Variants in PIGU observed in about 807,000 individuals in gnomAD.
PIGU encodes the protein GPI-anchor transamidase component PIGU.
PIGU carries 24 observed loss-of-function variants against 49.9 expected under a neutral mutation model. The ratio of observed to expected loss-of-function variants is 0.48; its 90% CI spans 0.35 to 0.68. The LOEUF (loss-of-function observed/expected upper bound fraction) is 0.68. Ranked by LOEUF, PIGU falls within the 30% of genes least tolerant of loss-of-function variation. PIGU has a pLI of 0.01. For synonymous variants in PIGU, 220 were observed against 205.7 expected, an observed-to-expected ratio of 1.07 and a Z score of -0.59; for missense variants, 490 against 532.6, an observed-to-expected ratio of 0.92 and a Z score of 0.79.
At chr20:34,661,428 T>C (rs899292516) in intron 1 of PIGU, among the ~76,000 whole-genome samples, 2 of 152,154 alleles carry the variant, frequency 1.3e-5, no homozygotes, top group Non-Finnish European at 2.9e-5. Flanking sequence ...GTGTACTCAG[T>C]GTTTAGCTTC....
chr20:34,604,318 T>C (rs1984536783), intron 7 of PIGU, among the ~76,000 whole-genome samples: 1 of 152,230 alleles, frequency 6.6e-6, no homozygotes, highest in Non-Finnish European at 1.5e-5. Context: ...AAAAGCATTT[T>C]CTGTACAGAA....
chr20:34,633,509 T>G (rs951048127), intron 6 of PIGU, among the ~76,000 whole-genome samples: 7 of 150,102 alleles, frequency 4.7e-5, no homozygotes, highest in Admixed American at 4.7e-4. Context: ...GAAACCATGG[T>G]GTAACTACTA....
At chr20:34,659,047 C>T (rs1277714974) in intron 1 of PIGU, among the ~76,000 whole-genome samples, 3 of 144,712 alleles carry the variant, frequency 2.1e-5, no homozygotes, top group Non-Finnish European at 4.6e-5. Context: ...CCCCTCTGCC[C>T]GGCCAGCTGC....
intron 7 of PIGU, among the ~76,000 whole-genome samples, chr20:34,592,449 AAAGAG>A (rs1038285351): frequency 2.7e-4 from 41 of 151,774 alleles, no homozygotes; most frequent in Non-Finnish European, 5.7e-4. Flanking sequence ...AAAAAAAAAA[AAAGAG>A]AGACGAACAA....
At position 34,563,165 on chromosome 20, in the gene PIGU, G is replaced by C. The variant is rs1982598167; in HGVS notation, c.1195-2186C>G. Among the ~76,000 whole-genome samples, 6 of 152,318 alleles carry C rather than the reference G, an allele frequency of 3.9e-5. No homozygotes were observed. In the South Asian group the frequency reaches 1.2e-3, roughly 32 times the overall value. On this transcript the variant is annotated intron_variant, in intron 11 of 11. Transcript: ENST00000217446. The stretch of plus-strand genomic sequence containing the variant: ...GAAAAACGTACACATGGAAAAGTAA[G>C]CATGTTATTTAGAAGTACCAACAGA...
At chr20:34,583,071 G>A (rs1045506572) in intron 9 of PIGU, among the ~76,000 whole-genome samples, 10 of 152,210 alleles carry the variant, frequency 6.6e-5, no homozygotes, top group Admixed American at 2.0e-4. Flanking sequence ...CAAAGGTCAG[G>A]GTGACTCAAT....
chr20:34,574,216 A>G (rs895771929), intron 11 of PIGU, among the ~76,000 whole-genome samples: 1 of 152,226 alleles, frequency 6.6e-6, no homozygotes, highest in Non-Finnish European at 1.5e-5. Context: ...GGGTGAGTCC[A>G]CCTAGAGTTT....
chr20:34,585,391 C>G, intron 9 of PIGU, 46 bp downstream of exon 9: 1 of 1,586,964 alleles, frequency 6.3e-7, no homozygotes, highest in Non-Finnish European at 8.6e-7. Context: ...GCAGGGGCTT[C>G]TCGGACAGCT....
chr20:34,581,734 C>T, intron 9 of PIGU, 62 bp from the exon 10 acceptor site: 2 of 1,568,982 alleles, frequency 1.3e-6, no homozygotes, highest in East Asian at 2.3e-5. Context: ...ACCCTAGAGA[C>T]TCCTGACTCC....
At chr20:34,654,549 C>T (rs1986650792) in intron 2 of PIGU, among the ~76,000 whole-genome samples, 1 of 116,620 alleles carries the variant, frequency 8.6e-6, no homozygotes, top group Admixed American at 1.1e-4. Context: ...CTTGTTATTG[C>T]AGTTTGATTA....
chr20:34,620,385 G>A (rs1474623257), intron 6 of PIGU, among the ~76,000 whole-genome samples: 1 of 152,130 alleles, frequency 6.6e-6, no homozygotes, highest in Non-Finnish European at 1.5e-5. Flanking sequence ...GAAAGCATTC[G>A]TTTGATAGCC....
At chr20:34,589,104 TACACACACACACACACACACACAC>T (rs11469162) in intron 7 of PIGU, among the ~76,000 whole-genome samples, 1 of 146,048 alleles carries the variant, frequency 6.8e-6, no homozygotes, top group Non-Finnish European at 1.5e-5. Flanking sequence ...TACTATTATT[TACACACACACACACACACACACAC>T]ACACACACAC....
At chr20:34,575,964 T>C (rs555991426) in intron 10 of PIGU, among the ~76,000 whole-genome samples, 2 of 152,348 alleles carry the variant, frequency 1.3e-5, no homozygotes, top group Non-Finnish European at 2.9e-5. Context: ...GAGTGTAGCA[T>C]GGCAGCCGGG....
intron 2 of PIGU, among the ~76,000 whole-genome samples, chr20:34,649,872 G>A (rs1217676630): frequency 1.2e-4 from 15 of 120,224 alleles, no homozygotes; most frequent in East Asian, 7.2e-4. Flanking sequence ...TTTTTGAGAC[G>A]GAGTCTCACT....
chr20:34,676,878 A>C, intron 1 of PIGU, 78 bp downstream of exon 1: 2 of 1,521,578 alleles, frequency 1.3e-6, no homozygotes, highest in Non-Finnish European at 1.8e-6. Context: ...GCTGGCGGTC[A>C]CTGCCCCCGC....
chr20:34,617,498 C>G (rs1985057856), intron 6 of PIGU, among the ~76,000 whole-genome samples: 1 of 152,210 alleles, frequency 6.6e-6, no homozygotes, highest in Middle Eastern at 3.2e-3. Flanking sequence ...AGGCCTGTAG[C>G]CCCTTTGGTT....
rs879274918 is a variant in PIGU, at chr20:34,645,204, G to C, written c.255+71C>G. ...CCCCATCTCAAAAAAAAAAAAAAAAGAGAGAGAGAGACAATAAACCATAAA... is the reference window on the plus strand; with the variant it reads ...CCCCATCTCAAAAAAAAAAAAAAAACAGAGAGAGAGACAATAAACCATAAA... On this transcript the variant is annotated intron_variant, in intron 3 of 11. Coordinates refer to ENST00000217446, the MANE Select transcript of PIGU (RefSeq NM_080476.5). 1.2e-4 allele frequency: 119 copies of C among 987,340 alleles called. No individual in the cohort carries two copies. The African/African-American group carries it at 2.1e-3, about 17-fold the overall frequency. The allele number at this position is 987,340 out of a possible 1,614,324, so 61.2% of individuals were successfully genotyped here.
intron 7 of PIGU, among the ~76,000 whole-genome samples, chr20:34,606,467 A>G (rs78606091): frequency 4.6e-5 from 7 of 152,100 alleles, no homozygotes; most frequent in African/African-American, 1.7e-4. Flanking sequence ...TTTTGAACAG[A>G]CTCAGACCAG....
Position 34,633,317 on chromosome 20 carries a change from A to G in PIGU, c.529+1298T>C, listed in dbSNP as rs528428647. 4.6e-5 allele frequency among the ~76,000 whole-genome samples: 7 copies of G among 152,148 alleles called. No individual in the cohort carries two copies. The South Asian group carries it at 1.2e-3, about 27-fold the overall frequency. On this transcript the variant is annotated intron_variant, in intron 6 of 11. Coordinates refer to ENST00000217446, the MANE Select transcript of PIGU (RefSeq NM_080476.5). ...TGTCTCTATAAAAAATACAAAAATT[A>G]GCCAGGCATGATGGAGGGTGCTTGT...
Sources: gnomAD v4.1 joint callset for allele counts (sites outside exome capture counted in the v4.1 genomes callset) on GRCh38, gnomAD v4.1.1 for gene constraint, MANE v1.5 for transcripts, NCBI Gene and HGNC (gene_info 2026-07-23, HGNC 2026-07-21) for gene names.